The following GUCY1A2 variants were observed in gnomAD, a reference collection of about 807,000 sequenced individuals.
GUCY1A2 encodes guanylate cyclase 1 soluble subunit alpha 2, also known as guanylate cyclase soluble subunit alpha-2.
In GUCY1A2, 27 loss-of-function variants were observed where a neutral mutation model predicts 63.5. That is an observed-to-expected ratio of 0.43 (90% CI 0.31 to 0.59). The LOEUF (loss-of-function observed/expected upper bound fraction) is 0.59, where lower values mean the gene tolerates loss of function less well. Ranked by LOEUF, GUCY1A2 falls within the 20% of genes least tolerant of loss-of-function variation. The probability of loss-of-function intolerance (pLI) is 0.11; values close to 1 mark genes in which losing one functional copy is unlikely to be tolerated. For synonymous variants in GUCY1A2, 364 were observed against 343.5 expected, an observed-to-expected ratio of 1.06 and a Z score of -0.66; for missense variants, 768 against 913.3, an observed-to-expected ratio of 0.84 and a Z score of 2.05.
chr11:106,958,367 T>C (rs1861017329), intron 3 of GUCY1A2, among the ~76,000 whole-genome samples: 1 of 152,130 alleles, frequency 6.6e-6, no homozygotes, highest in Non-Finnish European at 1.5e-5. Flanking sequence ...ACTGAATATC[T>C]CCAGTAATTA....
chr11:106,927,192 T>C (rs1860536262), intron 4 of GUCY1A2, among the ~76,000 whole-genome samples: 1 of 151,404 alleles, frequency 6.6e-6, no homozygotes, highest in African/African-American at 2.4e-5. Context: ...GTGAACACGG[T>C]GAAACCCTGT....
chr11:106,756,117 CTTT>C (rs1030624347), intron 6 of GUCY1A2, among the ~76,000 whole-genome samples: 2 of 152,112 alleles, frequency 1.3e-5, no homozygotes, highest in Non-Finnish European at 2.9e-5. Context: ...TTCTTTGTCT[CTTT>C]TGATCTTTGT....
At chr11:107,015,007 G>C (rs1004873744) in intron 1 of GUCY1A2, among the ~76,000 whole-genome samples, 2 of 152,170 alleles carry the variant, frequency 1.3e-5, no homozygotes, top group Admixed American at 1.3e-4. Flanking sequence ...GTCAAAAAAT[G>C]AATCTACTGG....
intron 4 of GUCY1A2, among the ~76,000 whole-genome samples, chr11:106,859,897 A>C (rs1383574459): frequency 6.6e-6 from 1 of 151,926 alleles, no homozygotes; most frequent in Non-Finnish European, 1.5e-5. Context: ...AGATTTGTGT[A>C]AGTATACTCT....
intron 5 of GUCY1A2, among the ~76,000 whole-genome samples, chr11:106,781,123 A>AAG (rs1864454027): frequency 6.7e-6 from 1 of 148,736 alleles, no homozygotes; most frequent in Admixed American, 6.7e-5. Flanking sequence ...AAAAAAAAAA[A>AAG]AAAAAAAAAA....
At chr11:106,922,202 T>C (rs1041963246) in intron 4 of GUCY1A2, among the ~76,000 whole-genome samples, 5 of 152,126 alleles carry the variant, frequency 3.3e-5, no homozygotes, top group African/African-American at 7.2e-5. Context: ...CTATAAAGTG[T>C]GGATGACAAA....
intron 6 of GUCY1A2, among the ~76,000 whole-genome samples, chr11:106,732,172 AACAG>A (rs1863516643): frequency 6.6e-6 from 1 of 152,196 alleles, no homozygotes; most frequent in Admixed American, 6.5e-5. Flanking sequence ...CTGGTACAAA[AACAG>A]ACACACAGAC....
At position 106,950,171 on chromosome 11, in the gene GUCY1A2, C is replaced by A. The variant is rs78632086; in HGVS notation, c.488-9993G>T. Among the ~76,000 whole-genome samples the A allele has an allele frequency of 4.8e-3, 731 of 152,302 alleles. 7 individuals are homozygous for A. The highest frequency in any genetic ancestry group is 0.016 in the African/African-American group (675 of 41,570). ...CAGGTGTTGAGTGCTAAGAAGGGGA[C>A]AGGTTCAGGGAAGCACATGTCTAAT... On this transcript the variant is annotated intron_variant, in intron 3 of 7. Transcript: ENST00000526355.
At chr11:106,729,188 T>C (rs930696805) in intron 6 of GUCY1A2, among the ~76,000 whole-genome samples, 1 of 152,158 alleles carries the variant, frequency 6.6e-6, no homozygotes, top group African/African-American at 2.4e-5. Flanking sequence ...TTTTATTCTT[T>C]TTAAAACCTG....
chr11:106,948,956 G>A (rs1860867370), intron 3 of GUCY1A2, among the ~76,000 whole-genome samples: 1 of 152,108 alleles, frequency 6.6e-6, no homozygotes, highest in Non-Finnish European at 1.5e-5. Flanking sequence ...GGGACGGTAT[G>A]TATGCCTTAA....
intron 4 of GUCY1A2, among the ~76,000 whole-genome samples, chr11:106,853,965 T>G (rs765829993): frequency 6.6e-6 from 1 of 152,220 alleles, no homozygotes; most frequent in Non-Finnish European, 1.5e-5. Flanking sequence ...TGCTGGCAGC[T>G]GTGACAAGGA....
At chr11:106,980,027 T>C (rs922858424) in intron 2 of GUCY1A2, among the ~76,000 whole-genome samples, 3 of 152,178 alleles carry the variant, frequency 2.0e-5, no homozygotes, top group Non-Finnish European at 2.9e-5. Context: ...GGATTACCCA[T>C]CTCATTCCCC....
intron 1 of GUCY1A2, among the ~76,000 whole-genome samples, chr11:106,987,298 G>A (rs1455092918): frequency 1.3e-5 from 2 of 152,194 alleles, no homozygotes; most frequent in Non-Finnish European, 2.9e-5. Flanking sequence ...CAGTTAATAA[G>A]TATCAATTTC....
At chr11:106,782,762 A>AG (rs1864487251) in intron 5 of GUCY1A2, among the ~76,000 whole-genome samples, 1 of 132,184 alleles carries the variant, frequency 7.6e-6, no homozygotes, top group African/African-American at 3.1e-5. Context: ...CAGGAAACAC[A>AG]AACACACACA....
At chr11:106,732,235 C>T (rs1396722211) in intron 6 of GUCY1A2, among the ~76,000 whole-genome samples, 3 of 152,062 alleles carry the variant, frequency 2.0e-5, no homozygotes, top group African/African-American at 2.4e-5. Flanking sequence ...AACCTACAAC[C>T]ATCTGATCTT....
Position 106,680,030 on chromosome 11 carries a change from A to C in GUCY1A2, c.*7519T>G, listed in dbSNP as rs564116737. The C allele has an allele frequency of 1.7e-4, 37 of 215,968 alleles. No individual in the cohort carries two copies. Among genetic ancestry groups the C allele is most frequent in the African/African-American group, 6.7e-4 (30 of 44,480 alleles). 13.4% of individuals were successfully genotyped at this position (215,968 alleles called of 1,614,324 possible). ...TCAAATAAATCATGTGGCTTCCATT[A>C]AACCAGAGGTGTTTGTTACGGAAAT... On this transcript the variant is annotated 3_prime_UTR_variant, in exon 8 of 8. Transcript: ENST00000526355.
chr11:106,823,027 G>A (rs954657472), intron 4 of GUCY1A2, among the ~76,000 whole-genome samples: 4 of 152,090 alleles, frequency 2.6e-5, no homozygotes, highest in African/African-American at 7.2e-5. Flanking sequence ...CAAGTGCTAT[G>A]AGATCAGAGA....
At chr11:106,972,555 T>G (rs769958545) in intron 3 of GUCY1A2, among the ~76,000 whole-genome samples, 2 of 151,736 alleles carry the variant, frequency 1.3e-5, no homozygotes, top group Non-Finnish European at 2.9e-5. Flanking sequence ...AAACACAAAT[T>G]TAAAATTAAG....
chr11:106,834,956 T>G (rs1244515288), intron 4 of GUCY1A2, among the ~76,000 whole-genome samples: 1 of 151,932 alleles, frequency 6.6e-6, no homozygotes, highest in Non-Finnish European at 1.5e-5. Context: ...AACCTTCTCT[T>G]ACATGGAATA....
Sources: gnomAD v4.1 joint callset for allele counts (sites outside exome capture counted in the v4.1 genomes callset) on GRCh38, gnomAD v4.1.1 for gene constraint, MANE v1.5 for transcripts, NCBI Gene and HGNC (gene_info 2026-07-23, HGNC 2026-07-21) for gene names.